Variants in CEP135 observed in about 807,000 individuals in gnomAD.
The protein encoded by CEP135 is centrosomal protein 135.
CEP135 carries 142 observed loss-of-function variants against 157.3 expected under a neutral mutation model. That is an observed-to-expected ratio of 0.90 (90% CI 0.79 to 1.04). The LOEUF (loss-of-function observed/expected upper bound fraction) is 1.04. CEP135 is among the 50% of genes least tolerant of loss of function. The pLI is 0.00. For synonymous variants in CEP135, 396 were observed against 439.8 expected (o/e 0.90, Z 1.25); for missense variants, 1,317 against 1,309.2 (o/e 1.01, Z -0.09).
At chr4:55,969,812 GTTGA>G (rs1015923885) in intron 9 of CEP135, among the ~76,000 whole-genome samples, 18 of 152,082 alleles carry the variant, frequency 1.2e-4, no homozygotes, top group African/African-American at 4.3e-4. Flanking sequence ...TGAAATATTT[GTTGA>G]TTAACTTGAA....
In CEP135 at chr4:55,951,698, C is replaced by G. The variant is rs1003634128; in HGVS notation, c.-45-388C>G. 2.6e-5 allele frequency among the ~76,000 whole-genome samples: 4 copies of G among 152,212 alleles called. No individual in the cohort carries two copies. The East Asian group carries it at 7.7e-4, about 29-fold the overall frequency. ...TATTTTCTCCCACTCTTTGGTTTGC[C>G]TTCTCTATTTTAATTGAGTATTTTG... On this transcript the variant is annotated intron_variant, in intron 1 of 25. Transcript: ENST00000257287.
At chr4:55,966,012 G>A in intron 8 of CEP135, 153 bp downstream of exon 8, 1 of 627,596 alleles carries the variant, frequency 1.6e-6, no homozygotes. Context: ...GTTTTCTGAA[G>A]TGTTGTTTAC....
chr4:56,024,304 C>CTA (rs901327583), intron 24 of CEP135, among the ~76,000 whole-genome samples, 197 bp from the exon 25 acceptor site: 13 of 149,860 alleles, frequency 8.7e-5, no homozygotes, highest in African/African-American at 2.4e-4. Flanking sequence ...ATGCTCCTCA[C>CTA]TATATATATA....
intron 15 of CEP135, among the ~76,000 whole-genome samples, chr4:55,995,335 GT>G (rs1729934940): frequency 6.6e-6 from 1 of 152,056 alleles, no homozygotes; most frequent in Non-Finnish European, 1.5e-5. Context: ...GTTTTGTTTT[GT>G]TTTAGGCTTT....
At chr4:55,985,825 A>G (rs1257510809) in intron 14 of CEP135, among the ~76,000 whole-genome samples, 1 of 152,174 alleles carries the variant, frequency 6.6e-6, no homozygotes, top group Non-Finnish European at 1.5e-5. Flanking sequence ...CTGTAGTCCC[A>G]GCTGCTTGGG....
rs750644298 is a variant in CEP135, at chr4:56,017,712, TAGA to T, written c.2874_2876del (p.Glu959del). 9.3e-6 allele frequency: 15 copies of T among 1,613,806 alleles called. No homozygotes were observed. Among genetic ancestry groups the T allele is most frequent in the Non-Finnish European group, 1.3e-5 (15 of 1,179,994 alleles). On this transcript the variant is annotated inframe_deletion, in exon 22 of 26. Transcript: ENST00000257287. The stretch of plus-strand genomic sequence containing the variant: ...TCAATGGCAAAAGCCATGTCTCGAT[TAGA>T]AGAAGAGCTGAGACATCAAGAAGAT...
chr4:55,973,280 G>A (rs58522560), intron 10 of CEP135, among the ~76,000 whole-genome samples: 3,234 of 152,248 alleles, frequency 0.021, 116 homozygotes, highest in African/African-American at 0.073. Context: ...ACTGCTCAGC[G>A]CTGTATGGAA....
At chr4:56,012,100 C>G (rs1730608903) in intron 21 of CEP135, 115 bp downstream of exon 21, 1 of 679,858 alleles carries the variant, frequency 1.5e-6, no homozygotes, top group Non-Finnish European at 2.2e-6. Flanking sequence ...CTCTGTTGCC[C>G]AGGCTGGAGT....
At chr4:55,982,997 A>G (rs2109687566) in intron 13 of CEP135, among the ~76,000 whole-genome samples, 1 of 152,318 alleles carries the variant, frequency 6.6e-6, no homozygotes, top group Middle Eastern at 3.4e-3. Flanking sequence ...AGTAGCAGCT[A>G]AAATTAGAAA....
chr4:56,019,853 C>G (rs1426919891), intron 23 of CEP135, among the ~76,000 whole-genome samples: 1 of 152,048 alleles, frequency 6.6e-6, no homozygotes, highest in East Asian at 1.9e-4. Flanking sequence ...GCGTGAGAAT[C>G]ACTTGAACCC....
chr4:55,979,965 G>C (rs1172877709), intron 11 of CEP135, among the ~76,000 whole-genome samples, 178 bp from the exon 12 acceptor site: 1 of 152,134 alleles, frequency 6.6e-6, no homozygotes, highest in African/African-American at 2.4e-5. Context: ...AATTTGCCCT[G>C]GTACTGCCAG....
chr4:56,002,018 G>A (rs1730190156), intron 17 of CEP135, among the ~76,000 whole-genome samples: 1 of 151,964 alleles, frequency 6.6e-6, no homozygotes. Flanking sequence ...TATTGTAAAT[G>A]GAATTGTTTT....
chr4:56,008,460 C>T (rs1299019972), intron 18 of CEP135, 78 bp downstream of exon 18: 15 of 1,103,446 alleles, frequency 1.4e-5, no homozygotes, highest in Non-Finnish European at 1.7e-5. Flanking sequence ...AGTAGCATTG[C>T]AGCAATAGAA....
chr4:56,022,299 T>G (rs796240895), intron 24 of CEP135, among the ~76,000 whole-genome samples: 10 of 152,300 alleles, frequency 6.6e-5, no homozygotes, highest in African/African-American at 2.2e-4. Context: ...GACCATGTCT[T>G]TCTTGCTCTT....
At position 56,017,731 on chromosome 4, in the gene CEP135, T is replaced by C. The variant is rs554539852; in HGVS notation, c.2886T>C (p.His962=). The part of the protein sequence containing the change: ...AMSRLEEELR[H]QEDEKATVLN... The stretch of plus-strand genomic sequence containing the variant: ...CTCGATTAGAAGAAGAGCTGAGACA[T>C]CAAGAAGATGAGAAAGCAACAGTAT... Residue 962 remains histidine (H), a synonymous_variant, in exon 22 of 26, where the codon CAT becomes CAC. Transcript: ENST00000257287. 1.2e-4 allele frequency: 191 copies of C among 1,613,994 alleles called. 1 individual carries two copies. The South Asian group carries it at 1.9e-3, about 16-fold the overall frequency.
chr4:56,011,923 A>T lies in CEP135; in HGVS notation c.2740A>T (p.Ile914Phe), dbSNP rs371154393. The change falls in exon 21 of 26, where the codon ATT becomes TTT. Residue 914 changes from isoleucine to phenylalanine, a missense_variant. By Grantham distance (21) the Ile-to-Phe change is conservative. Coordinates refer to ENST00000257287, the MANE Select transcript of CEP135 (RefSeq NM_025009.5). ...SSSVRLELLS[I>F]DTERRHLRER... ...CTCAGTTCGACTGGAACTTCTTTCT[A>T]TTGACACTGAGAGGAGACATCTTCG... 3 of 1,601,088 alleles carry T rather than the reference A, an allele frequency of 1.9e-6. No individual in the cohort carries two copies. The highest frequency in any genetic ancestry group is 2.6e-6 in the Non-Finnish European group (3 of 1,174,040).
intron 14 of CEP135, among the ~76,000 whole-genome samples, chr4:55,991,694 A>G (rs1729802298): frequency 6.6e-6 from 1 of 152,000 alleles, no homozygotes; most frequent in Admixed American, 6.6e-5. Flanking sequence ...TGTTATAGAT[A>G]TATTCTTTTC....
At chr4:55,950,776 G>A (rs920232091) in intron 1 of CEP135, among the ~76,000 whole-genome samples, 1 of 151,622 alleles carries the variant, frequency 6.6e-6, no homozygotes, top group Non-Finnish European at 1.5e-5. Context: ...TTTAATTGAA[G>A]TGAAATTTAC....
chr4:55,974,640 A>G, intron 10 of CEP135, 106 bp from the exon 11 acceptor site: 1 of 799,778 alleles, frequency 1.3e-6, no homozygotes, highest in East Asian at 2.7e-5. Flanking sequence ...AGAACAGTTC[A>G]TGATTTCTAG....
Sources: allele counts gnomAD v4.1 joint callset (sites outside exome capture counted in the v4.1 genomes callset), GRCh38; gene constraint gnomAD v4.1.1; transcripts MANE v1.5; gene names NCBI Gene and HGNC (gene_info 2026-07-23, HGNC 2026-07-21).